Variants in TBCK observed in about 807,000 individuals in gnomAD.
The protein encoded by TBCK is TBC1 domain containing kinase, also known as TBC domain-containing protein kinase-like protein.
A neutral mutation model predicts 113.4 loss-of-function variants in TBCK; 99 were observed. The observed-to-expected ratio is 0.87, with a 90% CI of 0.74 to 1.03. The LOEUF (loss-of-function observed/expected upper bound fraction) is 1.03. TBCK is among the 50% of genes least tolerant of loss of function. TBCK has a pLI of 0.00. For synonymous variants in TBCK, 369 were observed against 370.8 expected (o/e 1.00, Z 0.05); for missense variants, 1,045 against 1,061.3 (o/e 0.98, Z 0.21).
chr4:106,181,239 T>C (rs766565726), intron 22 of TBCK, among the ~76,000 whole-genome samples: 75 of 152,210 alleles, frequency 4.9e-4, no homozygotes, highest in Non-Finnish European at 6.0e-4. Context: ...TGTAAATTTG[T>C]TTAAGTTCTT....
chr4:106,249,421 C>T (rs949897992), intron 7 of TBCK, among the ~76,000 whole-genome samples: 1 of 152,058 alleles, frequency 6.6e-6, no homozygotes, highest in African/African-American at 2.4e-5. Flanking sequence ...TATGTAGGAC[C>T]GACTTTTCAT....
intron 20 of TBCK, among the ~76,000 whole-genome samples, chr4:106,200,469 G>A (rs765663872): frequency 2.6e-4 from 39 of 152,162 alleles, no homozygotes; most frequent in Non-Finnish European, 4.7e-4. Flanking sequence ...GAGCCCAAGA[G>A]GTTGAGACTG....
chr4:106,179,992 CTT>C (rs1225595134), intron 22 of TBCK, among the ~76,000 whole-genome samples: 1 of 151,882 alleles, frequency 6.6e-6, no homozygotes, highest in Non-Finnish European at 1.5e-5. Context: ...TAATGGACTT[CTT>C]TTGTCTTTTT....
rs145656825 is a variant in TBCK at position 106,195,161 on chromosome 4, C to T, written c.1861-407G>A. ...GCTGCCAATTTATGAATTGGTCTTTCCTCAATTAAACTCTGTTAAATTTAA... is the reference window on the plus strand; with the variant it reads ...GCTGCCAATTTATGAATTGGTCTTTTCTCAATTAAACTCTGTTAAATTTAA... On this transcript the variant is annotated intron_variant, in intron 20 of 25. Transcript: ENST00000394708. 3.9e-3 allele frequency among the ~76,000 whole-genome samples: 597 copies of T among 152,136 alleles called. 2 individuals are homozygous for T. Among genetic ancestry groups the T allele is most frequent in the Non-Finnish European group, 4.3e-3 (291 of 67,972 alleles).
intron 25 of TBCK, among the ~76,000 whole-genome samples, chr4:106,058,221 A>G (rs1735651216): frequency 6.6e-6 from 1 of 151,742 alleles, no homozygotes; most frequent in African/African-American, 2.4e-5. Flanking sequence ...ATACCATTTG[A>G]TAAATGCTAC....
In TBCK at chr4:106,116,199, A is replaced by G. The variant is rs1743472467; in HGVS notation, c.2411+4T>C. The G allele has an allele frequency of 6.2e-7, 1 of 1,613,736 alleles. No homozygotes were observed. The highest frequency in any genetic ancestry group is 8.5e-7 in the Non-Finnish European group (1 of 1,179,860). On this transcript the variant is annotated splice_donor_region_variant and intron_variant, in intron 24 of 25. Coordinates refer to ENST00000394708, the MANE Select transcript of TBCK (RefSeq NM_001163435.3). The stretch of plus-strand genomic sequence containing the variant: ...CCCTTTAAAACAGCATATGCAAAGG[A>G]TACTCTTCACTATTCCGGATGTCAA...
At chr4:106,251,066 C>T (rs760024985) in intron 6 of TBCK, 49 of 264,532 alleles carry the variant, frequency 1.9e-4, no homozygotes, top group Admixed American at 6.4e-4. Flanking sequence ...GGTCTGGAGT[C>T]AAACACTTAT....
intron 25 of TBCK, among the ~76,000 whole-genome samples, chr4:106,090,458 G>C (rs1740085757): frequency 6.6e-6 from 1 of 152,108 alleles, no homozygotes; most frequent in Non-Finnish European, 1.5e-5. Flanking sequence ...CCATTGTCTT[G>C]GCTATTAGCA....
At chr4:106,296,466 G>C (rs867762499) in intron 2 of TBCK, among the ~76,000 whole-genome samples, 1 of 152,080 alleles carries the variant, frequency 6.6e-6, no homozygotes, top group East Asian at 1.9e-4. Flanking sequence ...AAGAAGATAG[G>C]AAAGAGGAAG....
At chr4:106,176,636 A>T (rs1016530887) in intron 22 of TBCK, among the ~76,000 whole-genome samples, 2 of 152,066 alleles carry the variant, frequency 1.3e-5, no homozygotes, top group Non-Finnish European at 2.9e-5. Flanking sequence ...GTGCTGCAAT[A>T]AACATGAGAG....
At position 106,070,152 on chromosome 4, in the gene TBCK, C is replaced by T. The variant is rs537651154; in HGVS notation, c.2572-23472G>A. Among the ~76,000 whole-genome samples the T allele has an allele frequency of 9.2e-5, 14 of 152,260 alleles. No homozygotes were observed. The South Asian group carries it at 2.9e-3, about 32-fold the overall frequency. ...TTTATTTCTTTCTCCTGCCTGATTG[C>T]CCTGGCCAGAACTTCCAACACTATG... is the stretch of plus-strand genomic sequence containing the variant. On this transcript the variant is annotated intron_variant, in intron 25 of 25. Coordinates refer to ENST00000394708, the MANE Select transcript of TBCK (RefSeq NM_001163435.3).
At position 106,294,955 on chromosome 4, in the gene TBCK, T is replaced by C. The variant is rs62318091; in HGVS notation, c.266+139A>G. The stretch of plus-strand genomic sequence containing the variant: ...ATTCATATGTAATCTGTAAATTAAA[T>C]TTTCTCAAGTGAAAATTTGCACCTA... On this transcript the variant is annotated intron_variant, in intron 3 of 25. Coordinates refer to ENST00000394708, the MANE Select transcript of TBCK (RefSeq NM_001163435.3). 40,357 of 584,268 alleles carry C rather than the reference T, an allele frequency of 0.069. 1,630 individuals are homozygous for C. The highest frequency in any genetic ancestry group is 0.12 in the Middle Eastern group (432 of 3,596). 36.2% of individuals were successfully genotyped at this position (584,268 alleles called of 1,614,324 possible).
chr4:106,160,386 T>C (rs1435789954), intron 23 of TBCK, among the ~76,000 whole-genome samples: 1 of 151,744 alleles, frequency 6.6e-6, no homozygotes, highest in Non-Finnish European at 1.5e-5. Flanking sequence ...GAGAATAATA[T>C]TGAGAATATA....
At chr4:106,147,194 C>T (rs1305609926) in intron 23 of TBCK, among the ~76,000 whole-genome samples, 1 of 152,192 alleles carries the variant, frequency 6.6e-6, no homozygotes, top group Non-Finnish European at 1.5e-5. Context: ...TTCTTACAAA[C>T]ACCTTTTCAT....
At chr4:106,051,162 G>A (rs1734762214) in intron 25 of TBCK, among the ~76,000 whole-genome samples, 1 of 151,890 alleles carries the variant, frequency 6.6e-6, no homozygotes, top group Non-Finnish European at 1.5e-5. Flanking sequence ...TGATAGGTAG[G>A]ATTCATGAGG....
At chr4:106,096,407 A>G (rs934372690) in intron 24 of TBCK, among the ~76,000 whole-genome samples, 4 of 152,236 alleles carry the variant, frequency 2.6e-5, no homozygotes, top group Admixed American at 6.5e-5. Context: ...CAGCACCTAT[A>G]TCTACATCTG....
At chr4:106,167,877 CAG>C (rs1372225820) in intron 23 of TBCK, among the ~76,000 whole-genome samples, 1 of 151,654 alleles carries the variant, frequency 6.6e-6, no homozygotes, top group African/African-American at 2.4e-5. Context: ...CATTTCCAAA[CAG>C]AAAGTATCAG....
At chr4:106,208,493 G>C (rs1396750559) in intron 20 of TBCK, among the ~76,000 whole-genome samples, 1 of 150,986 alleles carries the variant, frequency 6.6e-6, no homozygotes, top group Non-Finnish European at 1.5e-5. Flanking sequence ...AAAAGCCCCA[G>C]GCTCAGCCAC....
chr4:106,208,847 G>T (rs1389222228), intron 20 of TBCK, among the ~76,000 whole-genome samples: 5 of 152,170 alleles, frequency 3.3e-5, no homozygotes, highest in Non-Finnish European at 5.9e-5. Flanking sequence ...CCCCTTTGGG[G>T]CTTTGGGGTC....
Sources: gnomAD v4.1 joint callset for allele counts (sites outside exome capture counted in the v4.1 genomes callset) on GRCh38, gnomAD v4.1.1 for gene constraint, MANE v1.5 for transcripts, NCBI Gene and HGNC (gene_info 2026-07-23, HGNC 2026-07-21) for gene names.